Variants in ASTN2 observed in about 807,000 individuals in gnomAD.
ASTN2 encodes astrotactin-2.
A neutral mutation model predicts 139.8 loss-of-function variants in ASTN2; 54 were observed. The observed-to-expected ratio is 0.39, with a 90% CI of 0.31 to 0.48. The LOEUF is 0.48. ASTN2 is among the 20% of genes least tolerant of loss of function. The pLI is 0.95. For missense variants in ASTN2, 1,565 were observed against 1,725.1 expected (o/e 0.91, Z 1.64); for synonymous variants, 756 against 719.5 (o/e 1.05, Z -0.81).
At chr9:117,268,031 G>C (rs1833975574) in intron 2 of ASTN2, among the ~76,000 whole-genome samples, 1 of 152,158 alleles carries the variant, frequency 6.6e-6, no homozygotes, top group Non-Finnish European at 1.5e-5. Flanking sequence ...AATAGTTTCT[G>C]CTGTAAAATG....
At chr9:117,265,769 C>G (rs1439459460) in intron 2 of ASTN2, among the ~76,000 whole-genome samples, 8 of 149,076 alleles carry the variant, frequency 5.4e-5, no homozygotes, top group African/African-American at 2.0e-4. Context: ...CATCACTACA[C>G]AATGGTTCCT....
At chr9:116,945,199 A>C (rs1835357007) in intron 10 of ASTN2, among the ~76,000 whole-genome samples, 1 of 152,064 alleles carries the variant, frequency 6.6e-6, no homozygotes, top group Non-Finnish European at 1.5e-5. Flanking sequence ...TTTCCAGAAG[A>C]CCTCCTCCTG....
intron 12 of ASTN2, among the ~76,000 whole-genome samples, chr9:116,810,942 A>G (rs546862315): frequency 6.6e-6 from 1 of 152,260 alleles, no homozygotes; most frequent in East Asian, 1.9e-4. Context: ...TTCTAACATT[A>G]TAATGTATTT....
intron 13 of ASTN2, among the ~76,000 whole-genome samples, chr9:116,778,008 A>AATTTTT (rs1221119940): frequency 6.6e-6 from 1 of 151,918 alleles, no homozygotes; most frequent in Non-Finnish European, 1.5e-5. Context: ...ACACCCAGCT[A>AATTTTT]ATTTTTATTT....
chr9:116,969,921 A>G (rs1836136923), intron 10 of ASTN2, among the ~76,000 whole-genome samples: 1 of 152,192 alleles, frequency 6.6e-6, no homozygotes, highest in African/African-American at 2.4e-5. Context: ...GAAATCTGAA[A>G]TCGGTATCCC....
chr9:117,263,314 T>A (rs1833868832), intron 2 of ASTN2, among the ~76,000 whole-genome samples: 1 of 152,214 alleles, frequency 6.6e-6, no homozygotes, highest in South Asian at 2.1e-4. Flanking sequence ...TGAACATTTT[T>A]ATCTAACTAT....
intron 19 of ASTN2, among the ~76,000 whole-genome samples, chr9:116,502,980 G>C (rs1196276691): frequency 1.4e-5 from 2 of 139,226 alleles, no homozygotes; most frequent in Non-Finnish European, 3.1e-5. Context: ...GGGAAGGAAG[G>C]AGAGAGGGAG....
intron 5 of ASTN2, among the ~76,000 whole-genome samples, chr9:117,059,936 T>G (rs1025264736): frequency 3.9e-5 from 6 of 152,194 alleles, no homozygotes; most frequent in Non-Finnish European, 8.8e-5. Context: ...TTCCTAGAAC[T>G]GACTCCAGCT....
intron 10 of ASTN2, among the ~76,000 whole-genome samples, chr9:116,973,375 T>C (rs185048375): frequency 2.0e-5 from 3 of 152,248 alleles, no homozygotes; most frequent in African/African-American, 7.2e-5. Flanking sequence ...TGCAGACAAA[T>C]AAATGAAAAC....
intron 20 of ASTN2, among the ~76,000 whole-genome samples, chr9:116,475,054 C>T (rs563477084): frequency 6.6e-6 from 1 of 152,316 alleles, no homozygotes; most frequent in East Asian, 1.9e-4. Flanking sequence ...CATCTATACA[C>T]TGAGAGAAGT....
At chr9:117,248,295 T>C (rs548299506) in intron 2 of ASTN2, among the ~76,000 whole-genome samples, 1 of 152,330 alleles carries the variant, frequency 6.6e-6, no homozygotes, top group Non-Finnish European at 1.5e-5. Context: ...TAGTGGATTC[T>C]TGGAGAAGCT....
At chr9:117,209,076 A>C (rs1832032518) in intron 3 of ASTN2, among the ~76,000 whole-genome samples, 1 of 152,198 alleles carries the variant, frequency 6.6e-6, no homozygotes, top group Admixed American at 6.5e-5. Context: ...TGAAAGAGAA[A>C]GGAATCAAAC....
At chr9:117,080,774 C>A (rs1032516548) in intron 5 of ASTN2, among the ~76,000 whole-genome samples, 1 of 152,146 alleles carries the variant, frequency 6.6e-6, no homozygotes, top group South Asian at 2.1e-4. Flanking sequence ...TTGACTTCTT[C>A]CACAGACAGA....
At chr9:117,050,931 T>A (rs1838896851) in intron 5 of ASTN2, among the ~76,000 whole-genome samples, 1 of 152,188 alleles carries the variant, frequency 6.6e-6, no homozygotes, top group Non-Finnish European at 1.5e-5. Flanking sequence ...CCCTCCCCCA[T>A]ATGTTGTCCT....
chr9:117,051,649 T>C (rs894076783), intron 5 of ASTN2, among the ~76,000 whole-genome samples: 2 of 152,226 alleles, frequency 1.3e-5, no homozygotes, highest in African/African-American at 4.8e-5. Flanking sequence ...ATCATTCTTT[T>C]ATTTCAAAGA....
At chr9:117,055,728 A>C (rs996209570) in intron 5 of ASTN2, among the ~76,000 whole-genome samples, 1 of 152,216 alleles carries the variant, frequency 6.6e-6, no homozygotes, top group Non-Finnish European at 1.5e-5. Flanking sequence ...GAAATGAAAG[A>C]AGGATTAGAT....
chr9:117,133,894 A>G (rs1413867354), intron 4 of ASTN2, among the ~76,000 whole-genome samples: 1 of 152,114 alleles, frequency 6.6e-6, no homozygotes, highest in East Asian at 1.9e-4. Flanking sequence ...AAAAGGAGTT[A>G]TTTCATCATA....
chr9:117,078,719 G>A (rs373395233), intron 5 of ASTN2, among the ~76,000 whole-genome samples: 6 of 152,012 alleles, frequency 3.9e-5, no homozygotes, highest in African/African-American at 1.4e-4. Flanking sequence ...GCTGTTCCTG[G>A]AGAGCTTTTT....
chr9:116,510,022 T>C (rs1850299081), intron 19 of ASTN2, among the ~76,000 whole-genome samples: 3 of 152,178 alleles, frequency 2.0e-5, no homozygotes, highest in Admixed American at 2.0e-4. Context: ...TAGATCCCAT[T>C]TGTCATTTTT....
Sources: gnomAD v4.1 joint callset for allele counts (sites outside exome capture counted in the v4.1 genomes callset) on GRCh38, gnomAD v4.1.1 for gene constraint, MANE v1.5 for transcripts, NCBI Gene and HGNC (gene_info 2026-07-23, HGNC 2026-07-21) for gene names.